Variants in FAM114A1 observed in about 807,000 individuals in gnomAD.
FAM114A1 encodes the protein family with sequence similarity 114 member A1, also known as protein NOXP20.
Under a neutral mutation model 64.3 loss-of-function variants are expected in FAM114A1, and 62 were observed. The observed-to-expected ratio is 0.96, with a 90% CI of 0.79 to 1.19. FAM114A1 has a LOEUF of 1.19. Among genes scored for constraint, FAM114A1 ranks in the 50% most tolerant of loss-of-function variants. The pLI, the probability that FAM114A1 is intolerant of heterozygous loss-of-function variation, is 0.00. For synonymous variants in FAM114A1, 254 were observed against 251.1 expected (o/e 1.01, Z -0.11); for missense variants, 645 against 676.3 (o/e 0.95, Z 0.51).
At chr4:38,908,241 T>C (rs1718206702) in intron 6 of FAM114A1, among the ~76,000 whole-genome samples, 1 of 152,230 alleles carries the variant, frequency 6.6e-6, no homozygotes, top group Non-Finnish European at 1.5e-5. Flanking sequence ...GTTAATTTTA[T>C]GTCTTAGCAA....
rs1471140729 is a variant in FAM114A1 at position 38,945,205 on chromosome 4, C to T, written c.*1648C>T. On this transcript the variant is annotated 3_prime_UTR_variant, in exon 15 of 15. Transcript: ENST00000358869. ...ATCCCAGGACTGCATTTTAAAATCGCCTCACAGATCACACTCGCTGGTGGC... is the reference window on the plus strand; with the variant it reads ...ATCCCAGGACTGCATTTTAAAATCGTCTCACAGATCACACTCGCTGGTGGC... The T allele has an allele frequency of 6.6e-6, 1 of 152,202 alleles. No homozygotes were observed. Among genetic ancestry groups the T allele is most frequent in the African/African-American group, 2.4e-5 (1 of 41,438 alleles). The allele number at this position is 152,202 out of a possible 1,614,324, so 9.4% of individuals were successfully genotyped here.
In FAM114A1 at chr4:38,943,816, C is replaced by A. The variant is rs1721764233; in HGVS notation, c.*259C>A. On this transcript the variant is annotated 3_prime_UTR_variant, in exon 15 of 15. Transcript: ENST00000358869. ...ACAGCTTATATTGAAAATTTCCTTT[C>A]ATCTGAAATTTATTTACAAATATTC... 3.2e-6 allele frequency: 1 copy of A among 316,230 alleles called. No homozygotes were observed. The highest frequency in any genetic ancestry group is 6.0e-6 in the Non-Finnish European group (1 of 166,584). The allele number at this position is 316,230 out of a possible 1,614,324, so 19.6% of individuals were successfully genotyped here.
intron 2 of FAM114A1, among the ~76,000 whole-genome samples, chr4:38,873,104 A>G (rs1241023732): frequency 1.3e-5 from 2 of 152,162 alleles, no homozygotes; most frequent in African/African-American, 4.8e-5. Context: ...GTTCTTTACT[A>G]TTTCAGCTAG....
intron 7 of FAM114A1, among the ~76,000 whole-genome samples, chr4:38,913,283 T>G (rs937703963): frequency 1.3e-5 from 2 of 152,246 alleles, no homozygotes; most frequent in Non-Finnish European, 2.9e-5. Flanking sequence ...TTATTTGTTG[T>G]CTTTTTGCTT....
At chr4:38,890,623 T>C (rs1022991508) in intron 3 of FAM114A1, among the ~76,000 whole-genome samples, 4 of 152,164 alleles carry the variant, frequency 2.6e-5, no homozygotes, top group African/African-American at 9.7e-5. Context: ...GAATATTTAT[T>C]CTTGCCTTGT....
At chr4:38,936,681 T>C (rs1313289511) in intron 13 of FAM114A1, among the ~76,000 whole-genome samples, 2 of 151,622 alleles carry the variant, frequency 1.3e-5, no homozygotes, top group Admixed American at 6.6e-5. Flanking sequence ...GCCTCCAAAG[T>C]AGCTGGGATT....
chr4:38,891,817 A>G lies in FAM114A1; in HGVS notation c.423A>G (p.Ala141=). Reference sequence around the variant, plus strand: ...GGGGCAAATCTCTGCTGTCGTCAGCATCTGCCACAGTAGGTAAGCATTGTA... The same window carrying G: ...GGGGCAAATCTCTGCTGTCGTCAGCGTCTGCCACAGTAGGTAAGCATTGTA... ...GSWGKSLLSS[A]SATVGHGLTA... The change falls in exon 4 of 15, where the codon GCA becomes GCG. Residue 141 remains alanine (A), a synonymous_variant. Transcript: ENST00000358869. 2 of 1,612,578 alleles carry G rather than the reference A, an allele frequency of 1.2e-6. No homozygotes were observed. The highest frequency in any genetic ancestry group is 1.1e-5 in the South Asian group (1 of 90,820).
chr4:38,934,115 G>T (rs1330112147), intron 12 of FAM114A1, among the ~76,000 whole-genome samples: 1 of 152,218 alleles, frequency 6.6e-6, no homozygotes, highest in Non-Finnish European at 1.5e-5. Flanking sequence ...AGTCAGGGAA[G>T]TTGAAAATGC....
rs372422558 is a variant in FAM114A1, at chr4:38,914,244, A to G, written c.793-677A>G. Among the ~76,000 whole-genome samples, 259 of 152,216 alleles carry G rather than the reference A, an allele frequency of 1.7e-3. 2 individuals carry two copies. The highest frequency in any genetic ancestry group is 5.9e-3 in the African/African-American group (245 of 41,534). On this transcript the variant is annotated intron_variant, in intron 7 of 14. Coordinates refer to ENST00000358869, the MANE Select transcript of FAM114A1 (RefSeq NM_138389.4). ...TTTCAAGCATACATAAAACTCGCTC[A>G]TTATAGAAAATTTGGGGACTTTAGA...
chr4:38,914,207 A>C (rs1718822407), intron 7 of FAM114A1, among the ~76,000 whole-genome samples: 1 of 152,116 alleles, frequency 6.6e-6, no homozygotes, highest in Admixed American at 6.5e-5. Context: ...TCCTGTCATA[A>C]GAGATTCAAC....
At chr4:38,919,897 T>C (rs1449622208) in intron 8 of FAM114A1, among the ~76,000 whole-genome samples, 1 of 152,182 alleles carries the variant, frequency 6.6e-6, no homozygotes, top group Non-Finnish European at 1.5e-5. Context: ...ATGCGGTGTT[T>C]GATAAAGGTT....
intron 3 of FAM114A1, among the ~76,000 whole-genome samples, chr4:38,879,491 A>G (rs1714994321): frequency 6.6e-6 from 1 of 152,148 alleles, no homozygotes; most frequent in Admixed American, 6.6e-5. Context: ...GAAGACTTTG[A>G]TGCATCCTTC....
intron 1 of FAM114A1, chr4:38,868,156 C>G: frequency 4.3e-6 from 1 of 232,356 alleles, no homozygotes; most frequent in Non-Finnish European, 9.3e-6. Flanking sequence ...CGTGAACCTC[C>G]GCGGAGCCTG....
intron 2 of FAM114A1, among the ~76,000 whole-genome samples, chr4:38,874,376 G>A (rs1714403267): frequency 6.6e-6 from 1 of 152,114 alleles, no homozygotes; most frequent in African/African-American, 2.4e-5. Flanking sequence ...TGTGTGAGAT[G>A]GTGTCTCATT....
intron 4 of FAM114A1, among the ~76,000 whole-genome samples, chr4:38,893,800 T>A (rs1716630078): frequency 6.6e-6 from 1 of 152,174 alleles, no homozygotes. Flanking sequence ...TGGATGGTGC[T>A]CCAAGGCCTC....
At chr4:38,914,065 A>T (rs185856127) in intron 7 of FAM114A1, among the ~76,000 whole-genome samples, 1 of 152,140 alleles carries the variant, frequency 6.6e-6, no homozygotes, top group South Asian at 2.1e-4. Context: ...GTACCCTTGC[A>T]CTCCAGCCTG....
intron 13 of FAM114A1, among the ~76,000 whole-genome samples, chr4:38,936,946 C>T (rs1283133595): frequency 6.6e-6 from 1 of 152,158 alleles, no homozygotes; most frequent in African/African-American, 2.4e-5. Context: ...AACAGGGTAA[C>T]AAGTCTGAAA....
chr4:38,920,299 A>C (rs1217116604), intron 8 of FAM114A1, among the ~76,000 whole-genome samples: 1 of 152,132 alleles, frequency 6.6e-6, no homozygotes, highest in African/African-American at 2.4e-5. Flanking sequence ...ATGGCAGCAC[A>C]CACCTCCTTT....
At chr4:38,915,107 T>G (rs747993380) in intron 8 of FAM114A1, 34 bp downstream of exon 8, 18 of 1,608,168 alleles carry the variant, frequency 1.1e-5, no homozygotes, top group East Asian at 2.2e-5. Context: ...AATGGCATGC[T>G]TAGTCATGTG....
Sources: gnomAD v4.1 joint callset for allele counts (sites outside exome capture counted in the v4.1 genomes callset) on GRCh38, gnomAD v4.1.1 for gene constraint, MANE v1.5 for transcripts, NCBI Gene and HGNC (gene_info 2026-07-23, HGNC 2026-07-21) for gene names.